The following CAPSL variants were observed in gnomAD, a reference collection of about 807,000 sequenced individuals.
The protein encoded by CAPSL is calcyphosin-like protein.
In CAPSL, 17 loss-of-function variants were observed where a neutral mutation model predicts 21.3. The ratio of observed to expected loss-of-function variants is 0.80; its 90% CI spans 0.55 to 1.20. The LOEUF is 1.20. CAPSL is among the 50% of genes most tolerant of loss of function. The pLI, the probability that CAPSL is intolerant of heterozygous loss-of-function variation, is 0.00. For synonymous variants in CAPSL, 102 were observed against 89.3 expected (o/e 1.14, Z -0.80); for missense variants, 289 against 259.3 (o/e 1.11, Z -0.79).
At chr5:35,926,468 CTCT>C (rs1285781882) in intron 1 of CAPSL, among the ~76,000 whole-genome samples, 1 of 119,780 alleles carries the variant, frequency 8.3e-6, no homozygotes, top group African/African-American at 3.9e-5. Context: ...ACGCCAAACT[CTCT>C]CCCGCCTGGA....
At chr5:35,906,983 G>T (rs1760691547) in intron 4 of CAPSL, among the ~76,000 whole-genome samples, 1 of 152,158 alleles carries the variant, frequency 6.6e-6, no homozygotes, top group African/African-American at 2.4e-5. Flanking sequence ...ACTTATATTG[G>T]GAATGGCCTG....
intron 2 of CAPSL, among the ~76,000 whole-genome samples, chr5:35,912,076 C>T (rs1296863991): frequency 1.3e-5 from 2 of 152,102 alleles, no homozygotes; most frequent in African/African-American, 2.4e-5. Flanking sequence ...CTGCACCTGG[C>T]TCGGAGGATC....
At chr5:35,934,528 A>G (rs1310071724) in intron 1 of CAPSL, among the ~76,000 whole-genome samples, 5 of 152,160 alleles carry the variant, frequency 3.3e-5, no homozygotes, top group African/African-American at 9.6e-5. Flanking sequence ...GCTGGATTCC[A>G]CCACTGGGAG....
At chr5:35,926,150 C>A (rs895406718) in intron 1 of CAPSL, among the ~76,000 whole-genome samples, 23 of 151,012 alleles carry the variant, frequency 1.5e-4, no homozygotes, top group African/African-American at 5.6e-4. Flanking sequence ...GATAGGAAGG[C>A]GGGACAGGCT....
intron 4 of CAPSL, among the ~76,000 whole-genome samples, chr5:35,907,283 C>T (rs2149915541): frequency 6.6e-6 from 1 of 152,204 alleles, no homozygotes; most frequent in Admixed American, 6.5e-5. Flanking sequence ...ACTATTAATA[C>T]ATACACTCAG....
chr5:35,923,236 G>A (rs852245), intron 1 of CAPSL, among the ~76,000 whole-genome samples: 27,644 of 152,024 alleles, frequency 0.18, 3,323 homozygotes, highest in East Asian at 0.51. Context: ...TGAGAATGAA[G>A]AGAAACAGAG....
intron 2 of CAPSL, among the ~76,000 whole-genome samples, chr5:35,919,001 A>G (rs1232050602): frequency 1.3e-5 from 2 of 151,956 alleles, no homozygotes; most frequent in Non-Finnish European, 2.9e-5. Context: ...TTCAACCCAA[A>G]GACCTGGAAG....
intron 2 of CAPSL, among the ~76,000 whole-genome samples, chr5:35,919,170 A>AAAAAAATATATATATAT (rs754098152): frequency 3.3e-5 from 4 of 121,272 alleles, no homozygotes; most frequent in South Asian, 5.2e-4. Context: ...TAAAAAAAAA[A>AAAAAAATATATATATAT]ATATATATAT....
chr5:35,923,951 C>T (rs1482105967), intron 1 of CAPSL, among the ~76,000 whole-genome samples: 1 of 151,998 alleles, frequency 6.6e-6, no homozygotes. Context: ...TTTAGTCATT[C>T]CACAATTATA....
At position 35,910,090 on chromosome 5, in the gene CAPSL, G is replaced by T. The variant is rs1738174773; in HGVS notation, c.316-15C>A. On this transcript the variant is annotated splice_polypyrimidine_tract_variant and intron_variant, in intron 3 of 4. Transcript: ENST00000651391. ...GACATTGGAGGCTACAAAAATAGAA[G>T]AATACATACAGAGACATACATAAGC... The T allele has an allele frequency of 1.3e-6, 2 of 1,584,250 alleles. No individual in the cohort carries two copies. The highest frequency in any genetic ancestry group is 1.4e-5 in the African/African-American group (1 of 73,638).
intron 1 of CAPSL, among the ~76,000 whole-genome samples, chr5:35,926,251 G>C (rs1738680580): frequency 6.6e-6 from 1 of 152,144 alleles, no homozygotes; most frequent in African/African-American, 2.4e-5. Context: ...GTGGCAGAAC[G>C]TGCAGTTTGA....
chr5:35,920,909 G>A (rs537798616), intron 2 of CAPSL, 75 bp downstream of exon 2: 54 of 1,507,660 alleles, frequency 3.6e-5, no homozygotes, highest in South Asian at 4.9e-5. Context: ...CCAAGACCAC[G>A]TGGCCAACAT....
In CAPSL at chr5:35,909,860, A is replaced by G. The variant is rs1366483464; in HGVS notation, c.525+6T>C. The stretch of plus-strand genomic sequence containing the variant: ...AATTTCCCCTAGATTAGGCTCTTTT[A>G]CTTACCAATCCATCTTTGTCATAGG... On this transcript the variant is annotated splice_donor_region_variant and intron_variant, in intron 4 of 4. Coordinates refer to ENST00000651391, the MANE Select transcript of CAPSL (RefSeq NM_001042625.2). 1 of 1,604,696 alleles carries G rather than the reference A, an allele frequency of 6.2e-7. No individual in the cohort carries two copies. Among genetic ancestry groups the G allele is most frequent in the Non-Finnish European group, 8.5e-7 (1 of 1,177,108 alleles).
chr5:35,930,671 C>T (rs756095611), intron 1 of CAPSL, among the ~76,000 whole-genome samples: 42 of 152,176 alleles, frequency 2.8e-4, no homozygotes, highest in South Asian at 4.1e-4. Flanking sequence ...ACAAGAGGAA[C>T]GGATGAGACA....
intron 1 of CAPSL, among the ~76,000 whole-genome samples, chr5:35,922,894 A>G (rs1474944646): frequency 6.6e-6 from 1 of 152,160 alleles, no homozygotes. Context: ...TCATCTAGCC[A>G]TGTCCTGCTG....
rs549027315 is a variant in CAPSL at position 35,911,064 on chromosome 5, A to T, written c.138-521T>A. The stretch of plus-strand genomic sequence containing the variant: ...AGGCTGGAACAATTAAACCAATAAA[A>T]CTATGCTGGATTATAACCCAAAATA... On this transcript the variant is annotated intron_variant, in intron 2 of 4. Coordinates refer to ENST00000651391, the MANE Select transcript of CAPSL (RefSeq NM_001042625.2). Among the ~76,000 whole-genome samples the T allele has an allele frequency of 5.5e-4, 84 of 152,346 alleles. 2 individuals are homozygous for T. In the South Asian group the frequency reaches 0.016, roughly 29 times the overall value.
At chr5:35,914,856 G>T (rs1738329970) in intron 2 of CAPSL, among the ~76,000 whole-genome samples, 1 of 152,062 alleles carries the variant, frequency 6.6e-6, no homozygotes, top group Non-Finnish European at 1.5e-5. Context: ...AAATAACTAA[G>T]ATCAGAGCAG....
chr5:35,918,644 A>C (rs549935948), intron 2 of CAPSL, among the ~76,000 whole-genome samples: 17 of 152,344 alleles, frequency 1.1e-4, no homozygotes, highest in African/African-American at 4.1e-4. Flanking sequence ...GAGTAATCAG[A>C]ATCTAAAGAC....
At chr5:35,921,218 C>A (rs935722472) in intron 1 of CAPSL, 98 bp from the exon 2 acceptor site, 1 of 1,416,270 alleles carries the variant, frequency 7.1e-7, no homozygotes, top group Non-Finnish European at 9.5e-7. Flanking sequence ...AAATTTACAG[C>A]CTTCTCTGTC....
Sources: allele counts gnomAD v4.1 joint callset (sites outside exome capture counted in the v4.1 genomes callset), GRCh38; gene constraint gnomAD v4.1.1; transcripts MANE v1.5; gene names NCBI Gene and HGNC (gene_info 2026-07-23, HGNC 2026-07-21).